Variants in CLYBL observed in about 807,000 individuals in gnomAD.
The protein encoded by CLYBL is citramalyl-CoA lyase.
In CLYBL, 31 loss-of-function variants were observed where a neutral mutation model predicts 38.9. That is an observed-to-expected ratio of 0.80 (90% confidence interval 0.60 to 1.08). The LOEUF (loss-of-function observed/expected upper bound fraction) is 1.08. Among genes scored for constraint, CLYBL ranks in the 50% least tolerant of loss-of-function variants. The pLI is 0.00. For synonymous variants in CLYBL, 171 were observed against 158.6 expected, an observed-to-expected ratio of 1.08 and a Z score of -0.59; for missense variants, 434 against 411.6, an observed-to-expected ratio of 1.05 and a Z score of -0.47.
intron 1 of CLYBL, among the ~76,000 whole-genome samples, chr13:99,679,235 A>C (rs2047697095): frequency 6.6e-6 from 1 of 151,378 alleles, no homozygotes; most frequent in South Asian, 2.1e-4. Flanking sequence ...TGGAGGTTGC[A>C]GTAAGCCAAG....
At chr13:99,834,859 G>C (rs2050898845) in intron 2 of CLYBL, among the ~76,000 whole-genome samples, 1 of 152,156 alleles carries the variant, frequency 6.6e-6, no homozygotes, top group Non-Finnish European at 1.5e-5. Context: ...TTGTCTTATT[G>C]TTCAATTGGT....
At chr13:99,877,161 G>T (rs775060223) in intron 7 of CLYBL, among the ~76,000 whole-genome samples, 5 of 152,200 alleles carry the variant, frequency 3.3e-5, no homozygotes, top group Admixed American at 1.3e-4. Flanking sequence ...CCAAAGCCCA[G>T]TGTCATCTCA....
intron 2 of CLYBL, among the ~76,000 whole-genome samples, chr13:99,830,807 C>T (rs1191778864): frequency 6.6e-6 from 1 of 152,186 alleles, no homozygotes; most frequent in Non-Finnish European, 1.5e-5. Context: ...TGCTTCCAGT[C>T]GTGGATTGCA....
intron 1 of CLYBL, among the ~76,000 whole-genome samples, chr13:99,743,966 C>CT (rs1162079530): frequency 0.042 from 2,916 of 68,988 alleles, 157 homozygotes; most frequent in African/African-American, 0.092. Flanking sequence ...TCTCTTCTTT[C>CT]TTTTTTTTTT....
intron 1 of CLYBL, among the ~76,000 whole-genome samples, chr13:99,760,984 T>A (rs143719638): frequency 2.2e-4 from 33 of 152,340 alleles, no homozygotes; most frequent in African/African-American, 7.2e-4. Flanking sequence ...AAACCATATA[T>A]TTATACCCAT....
chr13:99,730,756 C>T (rs2048574444), intron 1 of CLYBL, among the ~76,000 whole-genome samples: 1 of 152,156 alleles, frequency 6.6e-6, no homozygotes. Context: ...CTGCTAAACA[C>T]ACGGAACGGC....
chr13:99,905,176 A>G (rs983218975), intron 8 of CLYBL, among the ~76,000 whole-genome samples: 15 of 152,246 alleles, frequency 9.9e-5, no homozygotes, highest in African/African-American at 3.6e-4. Flanking sequence ...GCCTTGGGCT[A>G]AAAGACCTCT....
chr13:99,793,931 G>A (rs958994629), intron 2 of CLYBL, among the ~76,000 whole-genome samples: 31 of 151,008 alleles, frequency 2.1e-4, no homozygotes, highest in Non-Finnish European at 3.4e-4. Context: ...ATGATTCAAA[G>A]CTTTATAAAT....
intron 2 of CLYBL, among the ~76,000 whole-genome samples, chr13:99,855,659 ACTCT>A (rs3033552): frequency 1.3e-5 from 2 of 151,842 alleles, no homozygotes; most frequent in Non-Finnish European, 2.9e-5. Flanking sequence ...GTGGACTGTG[ACTCT>A]CTCGAACTGA....
intron 1 of CLYBL, among the ~76,000 whole-genome samples, chr13:99,764,990 T>G (rs2049240228): frequency 6.6e-6 from 1 of 152,106 alleles, no homozygotes; most frequent in Non-Finnish European, 1.5e-5. Flanking sequence ...TGCCCAACCC[T>G]TGTATTTATA....
chr13:99,713,363 A>G (rs1299919624), intron 1 of CLYBL, among the ~76,000 whole-genome samples: 2 of 134,608 alleles, frequency 1.5e-5, no homozygotes. Flanking sequence ...TTTTTAAGAC[A>G]GAGTCTTGGT....
chr13:99,657,473 T>C (rs374583888), intron 1 of CLYBL, among the ~76,000 whole-genome samples: 3 of 152,366 alleles, frequency 2.0e-5, no homozygotes, highest in African/African-American at 7.2e-5. Flanking sequence ...TTCTTGACTT[T>C]CCATATAATT....
At chr13:99,698,469 C>T (rs974381768) in intron 1 of CLYBL, among the ~76,000 whole-genome samples, 2 of 151,998 alleles carry the variant, frequency 1.3e-5, no homozygotes, top group African/African-American at 4.8e-5. Flanking sequence ...TATGCAAAGT[C>T]GTAGGTTAAA....
intron 2 of CLYBL, among the ~76,000 whole-genome samples, chr13:99,784,294 A>C (rs1380037907): frequency 1.3e-5 from 2 of 152,002 alleles, no homozygotes; most frequent in Non-Finnish European, 2.9e-5. Context: ...GGGAGTCTCA[A>C]TTTACTCTCT....
At chr13:99,618,589 T>A (rs2046749151) in intron 1 of CLYBL, among the ~76,000 whole-genome samples, 1 of 152,194 alleles carries the variant, frequency 6.6e-6, no homozygotes, top group Non-Finnish European at 1.5e-5. Flanking sequence ...CATCTTTAAG[T>A]GTACAGTTTA....
chr13:99,713,334 CTT>C (rs759844768), intron 1 of CLYBL, among the ~76,000 whole-genome samples: 26 of 101,660 alleles, frequency 2.6e-4, no homozygotes, highest in African/African-American at 3.5e-4. Context: ...TTCTCTATTT[CTT>C]TTTTTTTTTT....
At chr13:99,646,419 A>T (rs2047176882) in intron 1 of CLYBL, among the ~76,000 whole-genome samples, 1 of 151,668 alleles carries the variant, frequency 6.6e-6, no homozygotes, top group Non-Finnish European at 1.5e-5. Context: ...TGTGCTCCTC[A>T]CCAGGGAGAA....
intron 2 of CLYBL, among the ~76,000 whole-genome samples, chr13:99,788,413 C>T (rs2049844162): frequency 6.6e-6 from 1 of 152,162 alleles, no homozygotes; most frequent in African/African-American, 2.4e-5. Flanking sequence ...GCATGAAGGG[C>T]TGTTGAATTT....
At chr13:99,805,335 C>T (rs901155151) in intron 2 of CLYBL, among the ~76,000 whole-genome samples, 12 of 152,162 alleles carry the variant, frequency 7.9e-5, no homozygotes, top group African/African-American at 2.7e-4. Context: ...GAGGAATTGC[C>T]GTACTGTTAA....
Sources: allele counts gnomAD v4.1 joint callset (sites outside exome capture counted in the v4.1 genomes callset), GRCh38; gene constraint gnomAD v4.1.1; transcripts MANE v1.5; gene names NCBI Gene and HGNC (gene_info 2026-07-23, HGNC 2026-07-21).